HELQ: variants seen among roughly 807,000 people sequenced by gnomAD.
HELQ encodes the protein helicase, POLQ like, also known as helicase POLQ-like.
In HELQ, 77 loss-of-function variants were observed where a neutral mutation model predicts 111.6. The ratio of observed to expected loss-of-function variants is 0.69; its 90% CI spans 0.57 to 0.83. The LOEUF (loss-of-function observed/expected upper bound fraction) is 0.83, where lower values mean the gene tolerates loss of function less well. Ranked by LOEUF, HELQ falls within the 40% of genes least tolerant of loss-of-function variation. HELQ has a pLI of 0.00. For missense variants in HELQ, 1,200 were observed against 1,288.5 expected (o/e 0.93, Z 1.05); for synonymous variants, 438 against 454.7 (o/e 0.96, Z 0.47).
chr4:83,412,528 T>TTACC (rs1251935265), intron 17 of HELQ, among the ~76,000 whole-genome samples: 3 of 152,224 alleles, frequency 2.0e-5, no homozygotes, highest in Non-Finnish European at 4.4e-5. Flanking sequence ...TCATTGGGTC[T>TTACC]TAAAACCCTC....
Position 83,446,026 on chromosome 4 carries a change from G to C in HELQ, c.1453C>G (p.Leu485Val), listed in dbSNP as rs1721027407. Residue 485 changes from leucine (L) to valine (V), a missense_variant, in exon 5 of 18, where the codon CTC (leucine) becomes GTC (valine). Physicochemically the swap from Leu to Val is conservative, Grantham distance 32. This residue lies in a region of HELQ where 610 missense variants were observed against 607.1 expected (regional missense o/e 1.00). Coordinates refer to ENST00000295488, the MANE Select transcript of HELQ (RefSeq NM_133636.5). Reference sequence around the variant, plus strand: ...AAAAAATACTTACTGCTAGTGTAGAGGATTTTTGCTAGGGTCATTTCCAGT... The same window carrying C: ...AAAAAATACTTACTGCTAGTGTAGACGATTTTTGCTAGGGTCATTTCCAGT... Reference protein sequence around the residue: ...ATLEMTLAKILYTSKTTQIIG... With the variant: ...ATLEMTLAKIVYTSKTTQIIG... The C allele has an allele frequency of 5.6e-6, 9 of 1,608,880 alleles. No individual in the cohort carries two copies. In the East Asian group the frequency reaches 2.0e-4, roughly 36 times the overall value.
intron 2 of HELQ, among the ~76,000 whole-genome samples, chr4:83,451,278 A>T (rs1465150086): frequency 6.6e-6 from 1 of 152,234 alleles, no homozygotes; most frequent in African/African-American, 2.4e-5. Context: ...ATGAGGAACT[A>T]GGCCCAAAGT....
intron 12 of HELQ, among the ~76,000 whole-genome samples, chr4:83,429,134 G>C (rs1449955020): frequency 6.6e-6 from 1 of 151,844 alleles, no homozygotes; most frequent in Non-Finnish European, 1.5e-5. Context: ...ACAACTTAAA[G>C]AAAGTATAAT....
intron 2 of HELQ, among the ~76,000 whole-genome samples, chr4:83,452,456 C>A (rs1022173665): frequency 6.6e-6 from 1 of 152,036 alleles, no homozygotes; most frequent in Non-Finnish European, 1.5e-5. Context: ...GGGATGCACC[C>A]GTGGGGAGAG....
intron 9 of HELQ, among the ~76,000 whole-genome samples, chr4:83,436,307 A>G (rs138348318): frequency 6.6e-6 from 1 of 152,204 alleles, no homozygotes; most frequent in Non-Finnish European, 1.5e-5. Context: ...CTGAAAATAC[A>G]TATTTTTTTA....
In HELQ at chr4:83,426,097, A is replaced by G. The variant is rs1230698383; in HGVS notation, c.2677-5T>C. 2.0e-6 allele frequency: 3 copies of G among 1,512,962 alleles called. No homozygotes were observed. Among genetic ancestry groups the G allele is most frequent in the African/African-American group, 2.8e-5 (2 of 72,582 alleles). The allele number at this position is 1,512,962 out of a possible 1,614,324, so 93.7% of individuals were successfully genotyped here. On this transcript the variant is annotated splice_region_variant and splice_polypyrimidine_tract_variant and intron_variant, in intron 13 of 17. Transcript: ENST00000295488. The stretch of plus-strand genomic sequence containing the variant: ...TGCTGGACTGAGTTGGCTAAACTAC[A>G]TGGAAAAAGAGCAAATAGATGGAAA...
intron 17 of HELQ, 99 bp downstream of exon 17, chr4:83,416,630 AAC>A: frequency 3.5e-6 from 4 of 1,130,914 alleles, no homozygotes; most frequent in South Asian, 1.6e-5. Flanking sequence ...TATAGAAATA[AAC>A]AGTTATGCAA....
chr4:83,427,723 A>G lies in HELQ; in HGVS notation c.2519-3T>C. 6.6e-7 allele frequency: 1 copy of G among 1,515,746 alleles called. No individual in the cohort carries two copies. Among genetic ancestry groups the G allele is most frequent in the East Asian group, 2.4e-5 (1 of 41,252 alleles). 93.9% of individuals were successfully genotyped at this position (1,515,746 alleles called of 1,614,324 possible). ...ACAATAAGCTAAATCTATAGTTCCTAAAAGAAAGATACAAATATTCAATCT... is the reference window on the plus strand; with the variant it reads ...ACAATAAGCTAAATCTATAGTTCCTGAAAGAAAGATACAAATATTCAATCT... On this transcript the variant is annotated splice_polypyrimidine_tract_variant and splice_region_variant and intron_variant, in intron 12 of 17. Coordinates refer to ENST00000295488, the MANE Select transcript of HELQ (RefSeq NM_133636.5).
intron 14 of HELQ, among the ~76,000 whole-genome samples, chr4:83,422,274 A>G (rs1052027516): frequency 6.6e-6 from 1 of 152,116 alleles, no homozygotes; most frequent in Non-Finnish European, 1.5e-5. Flanking sequence ...ATTATTTCCA[A>G]TCTAAATTAA....
intron 2 of HELQ, 47 bp downstream of exon 2, chr4:83,453,184 T>C (rs745654806): frequency 1.4e-5 from 15 of 1,067,322 alleles, no homozygotes; most frequent in Admixed American, 6.6e-5. Flanking sequence ...ACTAATATTA[T>C]GGTAATGATA....
At chr4:83,427,214 T>C (rs1046405450) in intron 13 of HELQ, among the ~76,000 whole-genome samples, 3 of 152,164 alleles carry the variant, frequency 2.0e-5, no homozygotes, top group Non-Finnish European at 4.4e-5. Flanking sequence ...ATAACAAATA[T>C]GTTTATATTT....
chr4:83,448,728 T>A (rs1354320966), intron 3 of HELQ, 55 bp downstream of exon 3: 22 of 1,420,428 alleles, frequency 1.5e-5, no homozygotes, highest in Admixed American at 9.8e-5. Flanking sequence ...TTACAGATCT[T>A]AACGTCAAAG....
Position 83,418,167 on chromosome 4 carries a change from C to T in HELQ, c.2989G>A (p.Glu997Lys). 1 of 1,608,618 alleles carries T rather than the reference C, an allele frequency of 6.2e-7. No individual in the cohort carries two copies. The highest frequency in any genetic ancestry group is 8.5e-7 in the Non-Finnish European group (1 of 1,177,018). ...CAGTAAGTCAGCTTCTTGGTAAGTT[C>T]TACCAAAAGGGCTCTGTAAACCCAA... ...EFWVYRALLV[E>K]LTKKLTYCVK... The change falls in exon 16 of 18, where the codon GAA becomes AAA. Residue 997 changes from glutamate (E) to lysine (K), a missense_variant. By Grantham distance (56) the Glu-to-Lys change is moderately conservative (BLOSUM62 1). This residue lies in a region of HELQ where 585 missense variants were observed against 665.3 expected (regional missense o/e 0.88). Transcript: ENST00000295488.
intron 5 of HELQ, among the ~76,000 whole-genome samples, chr4:83,445,751 T>TA (rs1472849399): frequency 1.3e-5 from 2 of 152,226 alleles, no homozygotes; most frequent in Non-Finnish European, 2.9e-5. Flanking sequence ...ATTATTATCC[T>TA]TGTTTTACAG....
chr4:83,453,303 C>T lies in HELQ; in HGVS notation c.940G>A (p.Gly314Ser). ...TTGCTGGGTAATGAATAAAAAGGAC[C>T]AAGGTCATTTGATGATGACTCAACT... ...KTVESSSNDL[G>S]PFYSLPSKVR... is the part of the protein sequence containing the mutation. Residue 314 changes from glycine to serine, a missense_variant, in exon 2 of 18, where the codon GGT becomes AGT. By Grantham distance (56) the Gly-to-Ser change is moderately conservative. Transcript: ENST00000295488. 6.2e-7 allele frequency: 1 copy of T among 1,613,840 alleles called. No homozygotes were observed. Among genetic ancestry groups the T allele is most frequent in the Non-Finnish European group, 8.5e-7 (1 of 1,179,842 alleles).
intron 2 of HELQ, among the ~76,000 whole-genome samples, chr4:83,449,239 C>T (rs546835767): frequency 7.4e-4 from 113 of 152,270 alleles, no homozygotes; most frequent in African/African-American, 2.6e-3. Context: ...GTAGCAGCCT[C>T]GTGGACAAGG....
chr4:83,430,378 T>C (rs1045523491), intron 11 of HELQ, among the ~76,000 whole-genome samples: 4 of 152,206 alleles, frequency 2.6e-5, no homozygotes, highest in Non-Finnish European at 5.9e-5. Flanking sequence ...AAATGTTACC[T>C]AAAAATAGTT....
Position 83,418,160 on chromosome 4 carries a change from G to A in HELQ, c.2996C>T (p.Thr999Ile). Residue 999 changes from threonine to isoleucine, a missense_variant, in exon 16 of 18, where the codon ACC becomes ATC. Thr to Ile is a moderately conservative substitution (Grantham distance 89). This residue lies in a region of HELQ where 585 missense variants were observed against 665.3 expected (regional missense o/e 0.88). Coordinates refer to ENST00000295488, the MANE Select transcript of HELQ (RefSeq NM_133636.5). ...CTTTACACAGTAAGTCAGCTTCTTG[G>A]TAAGTTCTACCAAAAGGGCTCTGTA... ...WVYRALLVEL[T>I]KKLTYCVKAE... The A allele has an allele frequency of 6.2e-7, 1 of 1,609,170 alleles. No individual in the cohort carries two copies. Among genetic ancestry groups the A allele is most frequent in the Non-Finnish European group, 8.5e-7 (1 of 1,177,404 alleles).
chr4:83,452,248 T>C (rs927703722), intron 2 of HELQ, among the ~76,000 whole-genome samples: 2 of 152,240 alleles, frequency 1.3e-5, no homozygotes, highest in East Asian at 1.9e-4. Flanking sequence ...TGAGATTTTT[T>C]TTTTTGCAAT....
Sources: allele counts gnomAD v4.1 joint callset (sites outside exome capture counted in the v4.1 genomes callset), GRCh38; gene constraint gnomAD v4.1.1; regional missense constraint gnomAD v4.1.1; transcripts MANE v1.5; gene names NCBI Gene and HGNC (gene_info 2026-07-23, HGNC 2026-07-21).